The following SKI variants were observed in gnomAD, a reference collection of about 807,000 sequenced individuals.
SKI encodes ski oncogene.
Under a neutral mutation model 59.3 loss-of-function variants are expected in SKI, and 23 were observed. The ratio of observed to expected loss-of-function variants is 0.39; its 90% CI spans 0.28 to 0.55. The LOEUF (loss-of-function observed/expected upper bound fraction) is 0.55, where lower values mean the gene tolerates loss of function less well. Ranked by LOEUF, SKI falls within the 20% of genes least tolerant of loss-of-function variation. The pLI is 0.67. For missense variants in SKI, 1,017 were observed against 1,038.9 expected (o/e 0.98, Z 0.29); for synonymous variants, 673 against 488.6 (o/e 1.38, Z -4.98).
chr1:2,248,338 G>A (rs1639043254), intron 1 of SKI, among the ~76,000 whole-genome samples: 1 of 152,234 alleles, frequency 6.6e-6, no homozygotes, highest in African/African-American at 2.4e-5. Context: ...TCAGGAGCAG[G>A]CTGTGGGACT....
intron 1 of SKI, among the ~76,000 whole-genome samples, chr1:2,284,686 C>A (rs962665652): frequency 2.0e-5 from 3 of 152,190 alleles, no homozygotes; most frequent in Non-Finnish European, 4.4e-5. Context: ...CGCCCCACAC[C>A]GGCCTATGAG....
At chr1:2,244,994 C>A (rs918992191) in intron 1 of SKI, among the ~76,000 whole-genome samples, 32 of 152,282 alleles carry the variant, frequency 2.1e-4, no homozygotes, top group African/African-American at 7.7e-4. Flanking sequence ...ATATACGCAC[C>A]TAACCTCAGA....
chr1:2,256,180 C>T (rs1422207790), intron 1 of SKI, among the ~76,000 whole-genome samples: 9 of 151,968 alleles, frequency 5.9e-5, no homozygotes, highest in African/African-American at 2.2e-4. Flanking sequence ...ATCTGTGCCA[C>T]TCTGTGTCCT....
intron 1 of SKI, among the ~76,000 whole-genome samples, chr1:2,245,632 T>G (rs1294910721): frequency 1.2e-4 from 18 of 151,016 alleles, no homozygotes; most frequent in Non-Finnish European, 2.9e-5. Context: ...TGTGCCACCA[T>G]GCCCAGCTGA....
intron 1 of SKI, among the ~76,000 whole-genome samples, chr1:2,287,160 C>T (rs969622475): frequency 1.3e-5 from 2 of 152,090 alleles, no homozygotes; most frequent in Non-Finnish European, 2.9e-5. Flanking sequence ...TGCCCTGGCC[C>T]AGGGTGCACC....
chr1:2,230,048 C>T (rs777656588), intron 1 of SKI, among the ~76,000 whole-genome samples: 1 of 152,218 alleles, frequency 6.6e-6, no homozygotes, highest in South Asian at 2.1e-4. Flanking sequence ...AAGGCACAGG[C>T]CTCATGCTCC....
At position 2,232,702 on chromosome 1, in the gene SKI, A is replaced by G. The variant is rs566308127; in HGVS notation, c.969+2967A>G. The G allele has an allele frequency of 7.2e-5, 11 of 152,446 alleles. No homozygotes were observed. The East Asian group carries it at 9.6e-4, about 13-fold the overall frequency. The allele number at this position is 152,446 out of a possible 1,614,324, so 9.4% of individuals were successfully genotyped here. A position where few individuals can be genotyped will look rare whatever the true frequency, so the allele number is the denominator to read the frequency against. On this transcript the variant is annotated intron_variant, in intron 1 of 6. Coordinates refer to ENST00000378536, the MANE Select transcript of SKI (RefSeq NM_003036.4). ...TCCTCTTAGGGACCCTGGGGCTGCTATCCTTGACAGGGGACCTTGTCTCAC... is the reference window on the plus strand; with the variant it reads ...TCCTCTTAGGGACCCTGGGGCTGCTGTCCTTGACAGGGGACCTTGTCTCAC...
At chr1:2,295,779 C>T (rs1177699741) in intron 1 of SKI, among the ~76,000 whole-genome samples, 2 of 152,178 alleles carry the variant, frequency 1.3e-5, no homozygotes, top group African/African-American at 4.8e-5. Context: ...TTCAAGGCTC[C>T]TTCCTTCCTT....
At chr1:2,306,469 G>A in intron 6 of SKI, 108 bp from the exon 7 acceptor site, 1 of 1,213,936 alleles carries the variant, frequency 8.2e-7, no homozygotes. Context: ...CCGGCACGCG[G>A]CACTGGGGAG....
intron 1 of SKI, among the ~76,000 whole-genome samples, chr1:2,273,463 G>T (rs1044810862): frequency 6.6e-6 from 1 of 152,160 alleles, no homozygotes; most frequent in African/African-American, 2.4e-5. Context: ...AGGGCAGGAC[G>T]GGGTGGCTGC....
chr1:2,308,296 T>G lies in SKI; in HGVS notation c.*1531T>G, dbSNP rs1640651144. Reference sequence around the variant, plus strand: ...GTGACGAGCAAAGACCAGAGACTGCTGAGCCCTCGCATCTGGGTGGCGGAA... The same window carrying G: ...GTGACGAGCAAAGACCAGAGACTGCGGAGCCCTCGCATCTGGGTGGCGGAA... On this transcript the variant is annotated 3_prime_UTR_variant, in exon 7 of 7. Coordinates refer to ENST00000378536, the MANE Select transcript of SKI (RefSeq NM_003036.4). 1 of 152,210 alleles carries G rather than the reference T, an allele frequency of 6.6e-6. No individual in the cohort carries two copies. Among genetic ancestry groups the G allele is most frequent in the South Asian group, 2.1e-4 (1 of 4,832 alleles). 9.4% of individuals were successfully genotyped at this position (152,210 alleles called of 1,614,324 possible). A position where few individuals can be genotyped will look rare whatever the true frequency, so the allele number is the denominator to read the frequency against.
chr1:2,231,149 T>A (rs1004626598), intron 1 of SKI, among the ~76,000 whole-genome samples: 3 of 152,072 alleles, frequency 2.0e-5, no homozygotes, highest in African/African-American at 7.2e-5. Flanking sequence ...CCGATGGCGC[T>A]CCCTGTGGGC....
chr1:2,302,302 C>T (rs1258262867), intron 1 of SKI, among the ~76,000 whole-genome samples: 2 of 152,174 alleles, frequency 1.3e-5, no homozygotes, highest in Non-Finnish European at 2.9e-5. Context: ...AGGAGCGAGG[C>T]AAAGGTGTGT....
intron 1 of SKI, among the ~76,000 whole-genome samples, chr1:2,244,219 C>T (rs1638942314): frequency 6.6e-6 from 1 of 152,070 alleles, no homozygotes; most frequent in Non-Finnish European, 1.5e-5. Flanking sequence ...CTGCCTCGGC[C>T]TCCCAAAGTG....
chr1:2,306,181 G>A lies in SKI; in HGVS notation c.1929G>A (p.Gln643=). The A allele has an allele frequency of 1.3e-6, 2 of 1,588,246 alleles. No individual in the cohort carries two copies. The highest frequency in any genetic ancestry group is 1.7e-6 in the Non-Finnish European group (2 of 1,168,302). Reference sequence around the variant, plus strand: ...TGCGCCTGAAGCGGGAGCTGGAGCAGGCGCGGCAGGCCCGGGTGTGCGACA... The same window carrying A: ...TGCGCCTGAAGCGGGAGCTGGAGCAAGCGCGGCAGGCCCGGGTGTGCGACA... ...SRLRLKRELE[Q]ARQARVCDKG... is the part of the protein sequence containing the mutation. Residue 643 remains glutamine, a synonymous_variant, in exon 6 of 7, where the codon CAG becomes CAA. Transcript: ENST00000378536.
intron 1 of SKI, among the ~76,000 whole-genome samples, chr1:2,292,879 C>T (rs760843541): frequency 2.4e-4 from 36 of 152,158 alleles, no homozygotes; most frequent in Non-Finnish European, 4.3e-4. Context: ...CTGTCCCTGG[C>T]GGGGCCGCTG....
At chr1:2,292,967 GTC>G (rs1557844733) in intron 1 of SKI, among the ~76,000 whole-genome samples, 1 of 152,234 alleles carries the variant, frequency 6.6e-6, no homozygotes, top group Non-Finnish European at 1.5e-5. Context: ...ACTTCCTCCA[GTC>G]TCTGGGTGGT....
At chr1:2,285,777 GATGGTCTCGAA>G (rs1365149207) in intron 1 of SKI, among the ~76,000 whole-genome samples, 1 of 151,314 alleles carries the variant, frequency 6.6e-6, no homozygotes, top group Non-Finnish European at 1.5e-5. Context: ...TGTTGGCCAG[GATGGTCTCGAA>G]CACCTGACCT....
At chr1:2,274,410 G>A (rs545557900) in intron 1 of SKI, among the ~76,000 whole-genome samples, 53 of 152,214 alleles carry the variant, frequency 3.5e-4, no homozygotes, top group Non-Finnish European at 5.3e-4. Flanking sequence ...GCTGTGCTGC[G>A]TGGGGTGCAG....
Sources: gnomAD v4.1 joint callset for allele counts (sites outside exome capture counted in the v4.1 genomes callset) on GRCh38, gnomAD v4.1.1 for gene constraint, MANE v1.5 for transcripts, NCBI Gene and HGNC (gene_info 2026-07-23, HGNC 2026-07-21) for gene names.